Variants in SLC10A7 observed in about 807,000 individuals in gnomAD.
SLC10A7 encodes solute carrier family 10 member 7, also known as sodium/bile acid cotransporter 7.
A neutral mutation model predicts 43.2 loss-of-function variants in SLC10A7; 29 were observed. The observed-to-expected ratio is 0.67, with a 90% CI of 0.50 to 0.92. SLC10A7 has a LOEUF of 0.92. Ranked by LOEUF, SLC10A7 falls within the 40% of genes least tolerant of loss-of-function variation. The pLI is 0.00. For missense variants in SLC10A7, 295 were observed against 403.2 expected (o/e 0.73, Z 2.30); for synonymous variants, 152 against 144.8 (o/e 1.05, Z -0.35).
intron 5 of SLC10A7, among the ~76,000 whole-genome samples, chr4:146,356,664 T>C (rs1735669207): frequency 7.6e-6 from 1 of 131,392 alleles, no homozygotes; most frequent in Non-Finnish European, 1.6e-5. Flanking sequence ...CTTGATATTA[T>C]ACTTATTTGC....
At chr4:146,258,881 G>T in intron 10 of SLC10A7, 44 bp from the exon 11 acceptor site, 1 of 1,584,564 alleles carries the variant, frequency 6.3e-7, no homozygotes, top group Non-Finnish European at 8.5e-7. Context: ...AATTCAGTCT[G>T]TCATCAAATT....
chr4:146,361,871 G>C (rs936504029), intron 5 of SLC10A7, among the ~76,000 whole-genome samples: 8 of 152,108 alleles, frequency 5.3e-5, no homozygotes, highest in African/African-American at 1.7e-4. Context: ...AATTCTGTTA[G>C]AGAAATTTAA....
At chr4:146,459,707 T>A (rs1732373290) in intron 4 of SLC10A7, among the ~76,000 whole-genome samples, 1 of 151,378 alleles carries the variant, frequency 6.6e-6, no homozygotes, top group African/African-American at 2.4e-5. Flanking sequence ...AAGAACTAAA[T>A]CTATAAAACT....
At chr4:146,504,980 AT>A (rs1736767641) in intron 3 of SLC10A7, among the ~76,000 whole-genome samples, 1 of 152,204 alleles carries the variant, frequency 6.6e-6, no homozygotes, top group African/African-American at 2.4e-5. Context: ...AGTACTATAC[AT>A]TTTTTTAATT....
intron 5 of SLC10A7, among the ~76,000 whole-genome samples, chr4:146,410,831 C>A (rs1407698469): frequency 1.3e-5 from 2 of 151,988 alleles, no homozygotes; most frequent in African/African-American, 4.8e-5. Context: ...GTTTCTTCAC[C>A]TTTATTTATG....
chr4:146,424,082 C>T (rs1441084456), intron 5 of SLC10A7, among the ~76,000 whole-genome samples: 1 of 152,144 alleles, frequency 6.6e-6, no homozygotes, highest in African/African-American at 2.4e-5. Context: ...GACAAGATCT[C>T]CCTCTGTTGT....
intron 4 of SLC10A7, among the ~76,000 whole-genome samples, chr4:146,474,200 C>T (rs10000717): frequency 0.65 from 98,857 of 151,550 alleles, 32,642 homozygotes; most frequent in East Asian, 0.83. Context: ...AGTCTCTAAA[C>T]AATACACAAC....
At chr4:146,479,241 A>T (rs1734265095) in intron 4 of SLC10A7, among the ~76,000 whole-genome samples, 1 of 152,170 alleles carries the variant, frequency 6.6e-6, no homozygotes, top group Non-Finnish European at 1.5e-5. Context: ...TATTAAGAGA[A>T]ATTGGGCATT....
intron 6 of SLC10A7, among the ~76,000 whole-genome samples, chr4:146,311,694 G>A (rs1308862766): frequency 6.6e-6 from 1 of 152,074 alleles, no homozygotes; most frequent in Non-Finnish European, 1.5e-5. Context: ...AGCAGGATTT[G>A]TTGTCTTCCT....
At chr4:146,414,006 C>A (rs964939623) in intron 5 of SLC10A7, among the ~76,000 whole-genome samples, 3 of 152,254 alleles carry the variant, frequency 2.0e-5, no homozygotes, top group East Asian at 3.9e-4. Flanking sequence ...TACTTCTGAA[C>A]TGCAGGAAGA....
intron 10 of SLC10A7, among the ~76,000 whole-genome samples, chr4:146,279,630 T>C (rs544472721): frequency 2.6e-5 from 4 of 152,250 alleles, no homozygotes; most frequent in African/African-American, 7.2e-5. Flanking sequence ...GCTGAAACTA[T>C]AGGAGAGCAG....
intron 6 of SLC10A7, among the ~76,000 whole-genome samples, chr4:146,310,322 C>A (rs2149687048): frequency 6.6e-6 from 1 of 152,140 alleles, no homozygotes; most frequent in East Asian, 1.9e-4. Flanking sequence ...GATTTATTTT[C>A]TTTTGGATAT....
intron 6 of SLC10A7, among the ~76,000 whole-genome samples, chr4:146,322,708 A>C (rs2149702870): frequency 6.6e-6 from 1 of 152,318 alleles, no homozygotes; most frequent in East Asian, 1.9e-4. Flanking sequence ...TTATAGCAGC[A>C]TGATTTATAA....
At chr4:146,437,411 T>A (rs2149881461) in intron 5 of SLC10A7, among the ~76,000 whole-genome samples, 1 of 152,234 alleles carries the variant, frequency 6.6e-6, no homozygotes, top group African/African-American at 2.4e-5. Flanking sequence ...TTCTTCCCAC[T>A]AAAAGATGAA....
At chr4:146,267,286 A>C (rs4835291) in intron 10 of SLC10A7, among the ~76,000 whole-genome samples, 71,229 of 151,940 alleles carry the variant, frequency 0.47, 16,915 homozygotes, top group Admixed American at 0.56. Flanking sequence ...TGCTGCCCCT[A>C]CACTAGCCTA....
chr4:146,388,015 A>G (rs183767671), intron 5 of SLC10A7, among the ~76,000 whole-genome samples: 1 of 152,342 alleles, frequency 6.6e-6, no homozygotes, highest in East Asian at 1.9e-4. Flanking sequence ...CAATCTACAG[A>G]TTCAACGTAA....
chr4:146,299,370 C>T (rs944753255), intron 7 of SLC10A7, among the ~76,000 whole-genome samples: 3 of 152,164 alleles, frequency 2.0e-5, no homozygotes, highest in African/African-American at 7.2e-5. Context: ...ATGATGTTTA[C>T]ATTCTAGTTT....
intron 4 of SLC10A7, among the ~76,000 whole-genome samples, chr4:146,493,471 G>A (rs1019351845): frequency 6.6e-6 from 1 of 151,406 alleles, no homozygotes; most frequent in African/African-American, 2.4e-5. Context: ...GGGCAACAGT[G>A]CGAGACTCTG....
At chr4:146,271,826 C>T (rs1005781376) in intron 10 of SLC10A7, among the ~76,000 whole-genome samples, 1 of 152,206 alleles carries the variant, frequency 6.6e-6, no homozygotes, top group Non-Finnish European at 1.5e-5. Flanking sequence ...TCTTTGCCTT[C>T]ACTGTTCCTT....
Sources: allele counts gnomAD v4.1 joint callset (sites outside exome capture counted in the v4.1 genomes callset), GRCh38; gene constraint gnomAD v4.1.1; transcripts MANE v1.5; gene names NCBI Gene and HGNC (gene_info 2026-07-23, HGNC 2026-07-21).